The following DCPS variants were observed in gnomAD, a reference collection of about 807,000 sequenced individuals.
DCPS encodes decapping enzyme, scavenger, also known as m7GpppX diphosphatase.
A neutral mutation model predicts 34.7 loss-of-function variants in DCPS; 27 were observed. The ratio of observed to expected loss-of-function variants is 0.78; its 90% confidence interval spans 0.57 to 1.07. The LOEUF is 1.07. Ranked by LOEUF, DCPS falls within the 50% of genes least tolerant of loss-of-function variation. The pLI is 0.00. For missense variants in DCPS, 464 were observed against 436.9 expected, an observed-to-expected ratio of 1.06 and a Z score of -0.55; for synonymous variants, 185 against 185.7, an observed-to-expected ratio of 1.00 and a Z score of 0.03.
Position 126,349,926 on chromosome 11 carries a change from A to G in DCPS, c.*4313A>G, listed in dbSNP as rs1197347385. Among the ~76,000 whole-genome samples, 1 of 152,248 alleles carries G rather than the reference A, an allele frequency of 6.6e-6. No individual in the cohort carries two copies. The highest frequency in any genetic ancestry group is 1.5e-5 in the Non-Finnish European group (1 of 68,038). On this transcript the variant is annotated 3_prime_UTR_variant, in exon 6 of 6. Transcript: ENST00000263579. The surrounding 1 kb of genome is among the most constrained non-coding windows in gnomAD (Gnocchi z 5.4). The stretch of plus-strand genomic sequence containing the variant: ...TTACCAAGTTTTAACCACTGTTAGA[A>G]AATAAGCAGGAATGAAATCTGTTTC...
intron 2 of DCPS, among the ~76,000 whole-genome samples, chr11:126,309,527 A>G (rs1327703816): frequency 6.6e-6 from 1 of 152,254 alleles, no homozygotes; most frequent in Non-Finnish European, 1.5e-5. Flanking sequence ...AATGACAAGA[A>G]AAGTCTGTAC....
chr11:126,312,148 C>G lies in DCPS; in HGVS notation c.376+5404C>G, dbSNP rs1194729551. 6.6e-6 allele frequency among the ~76,000 whole-genome samples: 1 copy of G among 151,942 alleles called. No individual in the cohort carries two copies. The highest frequency in any genetic ancestry group is 6.6e-5 in the Admixed American group (1 of 15,240). ...GTTTCACCACATTGGCCAGGCTAGT[C>G]TCGGACTCCTGACCTCAGGTGATCC... is the stretch of plus-strand genomic sequence containing the variant. On this transcript the variant is annotated intron_variant, in intron 2 of 5. Coordinates refer to ENST00000263579, the MANE Select transcript of DCPS (RefSeq NM_014026.6). The surrounding 1 kb of genome is among the most constrained non-coding windows in gnomAD (Gnocchi z 5.1).
In DCPS at chr11:126,315,957, C is replaced by T. The variant is rs1253908685; in HGVS notation, c.376+9213C>T. Among the ~76,000 whole-genome samples, 1 of 152,046 alleles carries T rather than the reference C, an allele frequency of 6.6e-6. No homozygotes were observed. The highest frequency in any genetic ancestry group is 1.5e-5 in the Non-Finnish European group (1 of 68,030). ...CAAACTCCTGACCTCAAGTGATCTG[C>T]CCACCTCACCCTTTCAAAGTGCTGG... On this transcript the variant is annotated intron_variant, in intron 2 of 5. Coordinates refer to ENST00000263579, the MANE Select transcript of DCPS (RefSeq NM_014026.6). The surrounding 1 kb of genome is among the most constrained non-coding windows in gnomAD (Gnocchi z 6.1).
chr11:126,341,505 C>T (rs1951875694), intron 4 of DCPS: 2 of 152,392 alleles, frequency 1.3e-5, no homozygotes, highest in South Asian at 4.1e-4. Context: ...TGGGCTGACA[C>T]CCAGCACCAG....
rs553234303 is a variant in DCPS at position 126,322,749 on chromosome 11, C to T, written c.377-8656C>T. On this transcript the variant is annotated intron_variant, in intron 2 of 5. Coordinates refer to ENST00000263579, the MANE Select transcript of DCPS (RefSeq NM_014026.6). This position sits in a 1 kb window ranked among gnomAD's most constrained non-coding sequence, Gnocchi z 4.2. The stretch of plus-strand genomic sequence containing the variant: ...CTGGGACTACAGGCGCGTGCCATCA[C>T]GCCCAGCTAATTTTTTTTATTTTTA... Among the ~76,000 whole-genome samples the T allele has an allele frequency of 1.2e-4, 18 of 152,234 alleles. No individual in the cohort carries two copies. Among genetic ancestry groups the T allele is most frequent in the South Asian group, 6.2e-4 (3 of 4,824 alleles).
chr11:126,336,240 C>T lies in DCPS; in HGVS notation c.523-2046C>T, dbSNP rs530733531. Among the ~76,000 whole-genome samples, 2 of 152,098 alleles carry T rather than the reference C, an allele frequency of 1.3e-5. No individual in the cohort carries two copies. The highest frequency in any genetic ancestry group is 6.5e-5 in the Admixed American group (1 of 15,270). On this transcript the variant is annotated intron_variant, in intron 3 of 5. Coordinates refer to ENST00000263579, the MANE Select transcript of DCPS (RefSeq NM_014026.6). This position sits in a 1 kb window ranked among gnomAD's most constrained non-coding sequence, Gnocchi z 6.3. ...GTCATCACTCCTTCCTGCAGTCACT[C>T]GTCCTCCAGCCCCGCTCTTATTTCC...
In DCPS at chr11:126,348,849, T is replaced by C. The variant is rs1003824252; in HGVS notation, c.*3236T>C. On this transcript the variant is annotated 3_prime_UTR_variant, in exon 6 of 6. Coordinates refer to ENST00000263579, the MANE Select transcript of DCPS (RefSeq NM_014026.6). The surrounding 1 kb of genome is among the most constrained non-coding windows in gnomAD (Gnocchi z 5.3). ...GCAACATTATAACACTACATTCATA[T>C]AGCAGATCATTTCATGACCCACATT... 5.9e-5 allele frequency among the ~76,000 whole-genome samples: 9 copies of C among 152,202 alleles called. No homozygotes were observed. The highest frequency in any genetic ancestry group is 1.4e-4 in the African/African-American group (6 of 41,464).
chr11:126,334,547 T>A lies in DCPS; in HGVS notation c.522+2997T>A, dbSNP rs542950091. Among the ~76,000 whole-genome samples, 438 of 152,250 alleles carry A rather than the reference T, an allele frequency of 2.9e-3. No homozygotes were observed. The highest frequency in any genetic ancestry group is 5.0e-3 in the Non-Finnish European group (340 of 68,022). Reference sequence around the variant, plus strand: ...TTAGTAGAGACGGAGTTTCACCATGTTGGCCAGGCTGGTCTCAAACTCCTG... The same window carrying A: ...TTAGTAGAGACGGAGTTTCACCATGATGGCCAGGCTGGTCTCAAACTCCTG... On this transcript the variant is annotated intron_variant, in intron 3 of 5. Coordinates refer to ENST00000263579, the MANE Select transcript of DCPS (RefSeq NM_014026.6). This position sits in a 1 kb window ranked among gnomAD's most constrained non-coding sequence, Gnocchi z 5.5.
chr11:126,305,602 G>A (rs1349351984), intron 1 of DCPS, among the ~76,000 whole-genome samples: 1 of 146,048 alleles, frequency 6.8e-6, no homozygotes, highest in African/African-American at 2.5e-5. Context: ...CGTATTTTTA[G>A]TAGAGACAGG....
At chr11:126,304,892 A>G (rs1951550629) in intron 1 of DCPS, among the ~76,000 whole-genome samples, 1 of 152,190 alleles carries the variant, frequency 6.6e-6, no homozygotes, top group African/African-American at 2.4e-5. Context: ...GCAATCTGGC[A>G]GGGGCTGAGG....
In DCPS at chr11:126,323,942, C is replaced by T. The variant is rs916230039; in HGVS notation, c.377-7463C>T. On this transcript the variant is annotated intron_variant, in intron 2 of 5. Transcript: ENST00000263579. This position sits in a 1 kb window ranked among gnomAD's most constrained non-coding sequence, Gnocchi z 4.4. ...ACCTCCCAGGTTCAAGCGATTCTTC[C>T]GCCTCAGCCTCCCGAGTATCTGGGA... Among the ~76,000 whole-genome samples the T allele has an allele frequency of 2.6e-5, 4 of 152,152 alleles. No homozygotes were observed. Among genetic ancestry groups the T allele is most frequent in the African/African-American group, 4.8e-5 (2 of 41,494 alleles).
chr11:126,341,849 G>C (rs1056728852), intron 4 of DCPS: 1 of 152,272 alleles, frequency 6.6e-6, no homozygotes, highest in Non-Finnish European at 1.5e-5. Context: ...GCTACACGTG[G>C]AGCTTCCTGT....
chr11:126,346,751 T>C lies in DCPS; in HGVS notation c.*1138T>C, dbSNP rs1007370406. On this transcript the variant is annotated 3_prime_UTR_variant, in exon 6 of 6. Transcript: ENST00000263579. The surrounding 1 kb of genome is among the most constrained non-coding windows in gnomAD (Gnocchi z 4.1). ...CACAGTGGGTGGTCCTTACTCTCCA[T>C]CCCCTGCCTGAGAACCAGGAAGCCT... 6.6e-6 allele frequency among the ~76,000 whole-genome samples: 1 copy of C among 152,062 alleles called. No homozygotes were observed. Among genetic ancestry groups the C allele is most frequent in the African/African-American group, 2.4e-5 (1 of 41,406 alleles).
At position 126,320,462 on chromosome 11, in the gene DCPS, T is replaced by TCAGGAGG. The variant is rs1951696413; in HGVS notation, c.377-10942_377-10941insAGGAGGC. On this transcript the variant is annotated intron_variant, in intron 2 of 5. Transcript: ENST00000263579. The surrounding 1 kb of genome is among the most constrained non-coding windows in gnomAD (Gnocchi z 4.7). ...CCCACCTACTTCCTTTATAGCCTGC[T>TCAGGAGG]CTGACAATGATATTAAAGGAATATT... Among the ~76,000 whole-genome samples, 4 of 152,070 alleles carry TCAGGAGG rather than the reference T, an allele frequency of 2.6e-5. No homozygotes were observed. The highest frequency in any genetic ancestry group is 9.7e-5 in the African/African-American group (4 of 41,410).
Position 126,335,241 on chromosome 11 carries a change from A to G in DCPS, c.523-3045A>G, listed in dbSNP as rs897077334. 1.3e-5 allele frequency among the ~76,000 whole-genome samples: 2 copies of G among 152,238 alleles called. No homozygotes were observed. The highest frequency in any genetic ancestry group is 2.9e-5 in the Non-Finnish European group (2 of 68,032). ...GAGCAAGATGTCTCACGGGAGGTCAAGGCGGGAGAGAGGGTACCGAGGGAG... is the reference window on the plus strand; with the variant it reads ...GAGCAAGATGTCTCACGGGAGGTCAGGGCGGGAGAGAGGGTACCGAGGGAG... On this transcript the variant is annotated intron_variant, in intron 3 of 5. Coordinates refer to ENST00000263579, the MANE Select transcript of DCPS (RefSeq NM_014026.6). This position sits in a 1 kb window ranked among gnomAD's most constrained non-coding sequence, Gnocchi z 4.8.
At chr11:126,326,250 G>A (rs1432315722) in intron 2 of DCPS, among the ~76,000 whole-genome samples, 6 of 152,198 alleles carry the variant, frequency 3.9e-5, no homozygotes, top group East Asian at 1.9e-4. Flanking sequence ...CTGAGCAGGC[G>A]GTGCCCTCAG....
chr11:126,327,246 A>AG lies in DCPS; in HGVS notation c.377-4159_377-4158insG, dbSNP rs1951748434. Among the ~76,000 whole-genome samples the AG allele has an allele frequency of 6.6e-6, 1 of 152,018 alleles. No homozygotes were observed. The highest frequency in any genetic ancestry group is 1.5e-5 in the Non-Finnish European group (1 of 68,008). On this transcript the variant is annotated intron_variant, in intron 2 of 5. Transcript: ENST00000263579. This position sits in a 1 kb window ranked among gnomAD's most constrained non-coding sequence, Gnocchi z 4.1. Reference sequence around the variant, plus strand: ...CTTCTTTGTCCTTCCTAACTTTGACATTTTTGTAGTGTTATAAAGCCACTA... The same window carrying AG: ...CTTCTTTGTCCTTCCTAACTTTGACAGTTTTTGTAGTGTTATAAAGCCACTA...
rs780962549 is a variant in DCPS at position 126,338,257 on chromosome 11, G to A, written c.523-29G>A. 6.2e-7 allele frequency: 1 copy of A among 1,604,828 alleles called. No individual in the cohort carries two copies. Among genetic ancestry groups the A allele is most frequent in the Non-Finnish European group, 8.5e-7 (1 of 1,171,564 alleles). On this transcript the variant is annotated intron_variant, in intron 3 of 5. Coordinates refer to ENST00000263579, the MANE Select transcript of DCPS (RefSeq NM_014026.6). This position sits in a 1 kb window ranked among gnomAD's most constrained non-coding sequence, Gnocchi z 5.4. ...CTCTCAAGGGGTGATGAGTGGATTT[G>A]TGAACCATCTCTCTCCCCCTCCTTT...
At position 126,325,194 on chromosome 11, in the gene DCPS, G is replaced by GA. The variant is rs1191453736; in HGVS notation, c.377-6203dup. On this transcript the variant is annotated intron_variant, in intron 2 of 5. Transcript: ENST00000263579. The surrounding 1 kb of genome is among the most constrained non-coding windows in gnomAD (Gnocchi z 4.3). ...ACAGTGAGACTCAGTTTCGAAAAAA[G>GA]AAAAAAAATTAAACAGTAAAAATGT... 1.8e-5 allele frequency among the ~76,000 whole-genome samples: 1 copy of GA among 56,776 alleles called. No homozygotes were observed. The highest frequency in any genetic ancestry group is 1.3e-4 in the African/African-American group (1 of 7,978). 37.2% of individuals were successfully genotyped at this position (56,776 alleles called of 152,430 possible).
Sources: gnomAD v4.1 joint callset for allele counts (sites outside exome capture counted in the v4.1 genomes callset) on GRCh38, gnomAD v4.1.1 for gene constraint, Gnocchi (gnomAD v3.1) non-coding constraint, MANE v1.5 for transcripts, NCBI Gene and HGNC (gene_info 2026-07-23, HGNC 2026-07-21) for gene names.